The following SERPINA4 variants were observed in gnomAD, a reference collection of about 807,000 sequenced individuals.
SERPINA4 encodes the protein serpin family A member 4, also known as kallistatin.
A neutral mutation model predicts 25.4 loss-of-function variants in SERPINA4; 24 were observed. That is an observed-to-expected ratio of 0.95 (90% confidence interval 0.69 to 1.33). The LOEUF (loss-of-function observed/expected upper bound fraction) is 1.33, where lower values mean the gene tolerates loss of function less well. SERPINA4 is among the 40% of genes most tolerant of loss of function. The pLI, the probability that SERPINA4 is intolerant of heterozygous loss-of-function variation, is 0.00. For synonymous variants in SERPINA4, 242 were observed against 223.6 expected (o/e 1.08, Z -0.73); for missense variants, 553 against 535.8 (o/e 1.03, Z -0.32).
At chr14:94,566,465 G>A (rs1902214413) in intron 2 of SERPINA4, among the ~76,000 whole-genome samples, 3 of 152,136 alleles carry the variant, frequency 2.0e-5, no homozygotes. Context: ...AACAGAATCA[G>A]TTAAACAGGA....
rs143375347 is a variant in SERPINA4, at chr14:94,569,412, C to A, written c.1101C>A (p.Thr367=). Residue 367 remains threonine (T), a synonymous_variant, in exon 5 of 5, where the codon ACC becomes ACA. Transcript: ENST00000557004. ...CCTCCCAGAGTTTCCACAAGGCCAC[C>A]TTGGACGTGGATGAGGCTGGCACCG... The part of the protein sequence containing the change: ...LEASKSFHKA[T]LDVDEAGTEA... 2.0e-4 allele frequency: 324 copies of A among 1,613,836 alleles called. No individual in the cohort carries two copies. Among genetic ancestry groups the A allele is most frequent in the Non-Finnish European group, 2.6e-4 (312 of 1,180,038 alleles).
chr14:94,564,613 A>C (rs996724020), intron 2 of SERPINA4, among the ~76,000 whole-genome samples: 1 of 152,240 alleles, frequency 6.6e-6, no homozygotes, highest in Non-Finnish European at 1.5e-5. Flanking sequence ...TTGTAAATAA[A>C]GTTTTATTGG....
At chr14:94,564,167 AC>A (rs1413276008) in intron 2 of SERPINA4, 36 bp downstream of exon 2, 1 of 1,580,170 alleles carries the variant, frequency 6.3e-7, no homozygotes, top group African/African-American at 1.3e-5. Flanking sequence ...CTAAATCCAC[AC>A]CACCGCCTCC....
intron 1 of SERPINA4, among the ~76,000 whole-genome samples, chr14:94,562,184 T>C (rs1902049153): frequency 6.6e-6 from 1 of 150,656 alleles, no homozygotes; most frequent in African/African-American, 2.4e-5. Context: ...CGCCTCTTCA[T>C]GCATGTCCGG....
At chr14:94,567,357 C>A in intron 3 of SERPINA4, 114 bp downstream of exon 3, 2 of 1,185,896 alleles carry the variant, frequency 1.7e-6, no homozygotes, top group South Asian at 1.5e-5. Flanking sequence ...AGAGAATTCT[C>A]ACTTGCTCTG....
intron 2 of SERPINA4, among the ~76,000 whole-genome samples, chr14:94,565,643 C>G (rs1902178186): frequency 6.8e-6 from 1 of 147,674 alleles, no homozygotes; most frequent in Non-Finnish European, 1.5e-5. Context: ...ATCAGAAGTT[C>G]AAGACCAGCC....
At chr14:94,568,829 A>G (rs1046608703) in intron 4 of SERPINA4, among the ~76,000 whole-genome samples, 3 of 148,634 alleles carry the variant, frequency 2.0e-5, no homozygotes, top group African/African-American at 7.5e-5. Flanking sequence ...AGGCCACTGC[A>G]CTCCAGCCTG....
At chr14:94,564,774 A>G (rs1255776496) in intron 2 of SERPINA4, among the ~76,000 whole-genome samples, 2 of 152,240 alleles carry the variant, frequency 1.3e-5, no homozygotes, top group Non-Finnish European at 2.9e-5. Context: ...ACCCCTGACC[A>G]TTTTATGTAC....
chr14:94,567,336 A>G (rs1024665351), intron 3 of SERPINA4, 93 bp downstream of exon 3: 15 of 1,342,312 alleles, frequency 1.1e-5, no homozygotes, highest in African/African-American at 1.5e-5. Context: ...GAGAGTGAAC[A>G]CCAAATTATG....
At chr14:94,561,744 C>T in intron 1 of SERPINA4, 1 of 1,289,814 alleles carries the variant, frequency 7.8e-7, no homozygotes, top group Non-Finnish European at 1.0e-6. Context: ...AAGCCTCCCC[C>T]AGGGACACAC....
intron 3 of SERPINA4, 34 bp from the exon 4 acceptor site, chr14:94,568,095 T>A (rs761607520): frequency 6.2e-7 from 1 of 1,611,598 alleles, no homozygotes; most frequent in African/African-American, 1.3e-5. Flanking sequence ...GGCTTGTTCA[T>A]TAATCTAATG....
chr14:94,567,564 C>A (rs1902260375), intron 3 of SERPINA4, among the ~76,000 whole-genome samples: 1 of 152,096 alleles, frequency 6.6e-6, no homozygotes, highest in African/African-American at 2.4e-5. Flanking sequence ...GAAGAGGTAG[C>A]CCTTCTGGCC....
intron 1 of SERPINA4, 160 bp downstream of exon 1, chr14:94,561,654 G>C: frequency 7.8e-7 from 1 of 1,287,784 alleles, no homozygotes; most frequent in Admixed American, 2.3e-5. Flanking sequence ...TCTTGCTAGA[G>C]GTGAGAAATA....
At chr14:94,563,241 G>A (rs554646026) in intron 1 of SERPINA4, among the ~76,000 whole-genome samples, 57 of 152,266 alleles carry the variant, frequency 3.7e-4, no homozygotes, top group African/African-American at 1.4e-3. Flanking sequence ...ATGACATGAT[G>A]GACACAAGGA....
In SERPINA4 at chr14:94,569,705, G is replaced by T; in HGVS notation, c.*110G>T. ...GGACAAGGATGACACCGAAGGTCCA[G>T]GAGTCCAGGACAGCAGGTGCTGGCC... On this transcript the variant is annotated 3_prime_UTR_variant, in exon 5 of 5. Coordinates refer to ENST00000557004, the MANE Select transcript of SERPINA4 (RefSeq NM_006215.4). The T allele has an allele frequency of 8.1e-7, 1 of 1,234,068 alleles. No individual in the cohort carries two copies. The highest frequency in any genetic ancestry group is 2.4e-5 in the East Asian group (1 of 40,956). 76.4% of individuals were successfully genotyped at this position (1,234,068 alleles called of 1,614,324 possible).
intron 2 of SERPINA4, among the ~76,000 whole-genome samples, chr14:94,566,229 C>G (rs1481337856): frequency 6.6e-6 from 1 of 152,248 alleles, no homozygotes; most frequent in Non-Finnish European, 1.5e-5. Context: ...TAGTCTACAT[C>G]TGCACCCAGC....
chr14:94,564,031 C>A lies in SERPINA4; in HGVS notation c.549C>A (p.Asn183Lys). ...CTGTGGGCACAATCCAGCTTATCAA[C>A]GACCACGTCAAGAAGGAAACTCGAG... ...YDTVGTIQLI[N>K]DHVKKETRGK... Residue 183 changes from asparagine to lysine, a missense_variant, in exon 2 of 5, where the codon AAC becomes AAA. Physicochemically the swap from Asn to Lys is moderately conservative, Grantham distance 94 (BLOSUM62 0). Transcript: ENST00000557004. 6.2e-7 allele frequency: 1 copy of A among 1,613,016 alleles called. No homozygotes were observed. Among genetic ancestry groups the A allele is most frequent in the Non-Finnish European group, 8.5e-7 (1 of 1,180,022 alleles).
chr14:94,568,398 T>TACAC, intron 4 of SERPINA4, 110 bp downstream of exon 4: 1 of 1,164,892 alleles, frequency 8.6e-7, no homozygotes, highest in East Asian at 2.5e-5. Context: ...AGAGCCTGAG[T>TACAC]GTGTTCAGTC....
chr14:94,567,111 C>T lies in SERPINA4; in HGVS notation c.791C>T (p.Ser264Leu), dbSNP rs13306799. The change falls in exon 3 of 5, where the codon TCG becomes TTG. Residue 264 changes from serine to leucine, a missense_variant. By Grantham distance (145) the Ser-to-Leu change is moderately radical. Coordinates refer to ENST00000557004, the MANE Select transcript of SERPINA4 (RefSeq NM_006215.4). ...WYLHDRYLPC[S>L]VLRMDYKGDA... is the part of the protein sequence containing the mutation. The stretch of plus-strand genomic sequence containing the variant: ...CTTCATGACAGATACTTGCCCTGCT[C>T]GGTGCTACGGATGGATTACAAAGGA... The T allele has an allele frequency of 5.4e-5, 87 of 1,614,044 alleles. No individual in the cohort carries two copies. In the East Asian group the frequency reaches 1.7e-3, roughly 32 times the overall value.
Sources: allele counts gnomAD v4.1 joint callset (sites outside exome capture counted in the v4.1 genomes callset), GRCh38; gene constraint gnomAD v4.1.1; transcripts MANE v1.5; gene names NCBI Gene and HGNC (gene_info 2026-07-23, HGNC 2026-07-21).